The following CYSLTR2 variants were observed in gnomAD, a reference collection of about 807,000 sequenced individuals.
CYSLTR2 encodes the protein G-protein coupled receptor GPCR21.
For missense variants in CYSLTR2, 398 were observed against 411.9 expected, an observed-to-expected ratio of 0.97 and a Z score of 0.29; for synonymous variants, 179 against 160.8, an observed-to-expected ratio of 1.11 and a Z score of -0.86.
At chr13:48,659,938 G>A (rs1278017949) in intron 1 of CYSLTR2, among the ~76,000 whole-genome samples, 1 of 152,202 alleles carries the variant, frequency 6.6e-6, no homozygotes, top group African/African-American at 2.4e-5. Flanking sequence ...AAGGAGAGCT[G>A]AGGAAAGTTT....
At chr13:48,680,800 C>CTTTTTTT (rs139896583) in intron 1 of CYSLTR2, among the ~76,000 whole-genome samples, 22 of 55,040 alleles carry the variant, frequency 4.0e-4, no homozygotes, top group South Asian at 8.5e-4. Flanking sequence ...CTTTTCTTTT[C>CTTTTTTT]TTTTTTTTTT....
chr13:48,673,679 T>G (rs753476021), intron 1 of CYSLTR2, among the ~76,000 whole-genome samples: 1 of 152,088 alleles, frequency 6.6e-6, no homozygotes, highest in Non-Finnish European at 1.5e-5. Context: ...TGCCAGCTGG[T>G]TATTTTGCAC....
At chr13:48,680,456 G>A (rs1953717156) in intron 1 of CYSLTR2, among the ~76,000 whole-genome samples, 1 of 152,152 alleles carries the variant, frequency 6.6e-6, no homozygotes, top group African/African-American at 2.4e-5. Context: ...AACTGGTCAC[G>A]CAGCATGTTT....
intron 3 of CYSLTR2, among the ~76,000 whole-genome samples, chr13:48,695,897 GT>G (rs2138961415): frequency 6.6e-6 from 1 of 152,286 alleles, no homozygotes; most frequent in South Asian, 2.1e-4. Context: ...GTAACCATAT[GT>G]TTTCATTTCC....
chr13:48,680,341 T>C (rs1046994953), intron 1 of CYSLTR2, among the ~76,000 whole-genome samples: 1 of 152,160 alleles, frequency 6.6e-6, no homozygotes, highest in Non-Finnish European at 1.5e-5. Flanking sequence ...TTTTTCTAAG[T>C]ATAAATAAAA....
intron 1 of CYSLTR2, among the ~76,000 whole-genome samples, chr13:48,665,042 T>C (rs1233922173): frequency 1.3e-5 from 2 of 152,234 alleles, no homozygotes; most frequent in African/African-American, 2.4e-5. Context: ...AATTTTAAAA[T>C]TATATTCTTA....
intron 4 of CYSLTR2, among the ~76,000 whole-genome samples, chr13:48,696,838 T>A (rs1452206257): frequency 6.6e-6 from 1 of 152,176 alleles, no homozygotes; most frequent in African/African-American, 2.4e-5. Flanking sequence ...ACCAGGAGAT[T>A]ATATCCCGCA....
At chr13:48,685,680 TG>T (rs1235700491) in intron 1 of CYSLTR2, among the ~76,000 whole-genome samples, 2 of 152,214 alleles carry the variant, frequency 1.3e-5, no homozygotes, top group Non-Finnish European at 2.9e-5. Flanking sequence ...ACTCCCTTGC[TG>T]GTTGATCTAG....
chr13:48,683,578 G>A (rs553030449), intron 1 of CYSLTR2, among the ~76,000 whole-genome samples: 7 of 151,722 alleles, frequency 4.6e-5, no homozygotes, highest in East Asian at 1.9e-4. Context: ...ACTTTTTAAC[G>A]GAGTTTTTTT....
chr13:48,687,170 G>A (rs778924282), intron 1 of CYSLTR2, among the ~76,000 whole-genome samples: 1 of 152,020 alleles, frequency 6.6e-6, no homozygotes, highest in Non-Finnish European at 1.5e-5. Context: ...GGGTTCTCAG[G>A]CCTTCAAACT....
chr13:48,708,213 T>G lies in CYSLTR2; in HGVS notation c.*355T>G, dbSNP rs1954555515. 5.3e-6 allele frequency: 1 copy of G among 187,424 alleles called. No individual in the cohort carries two copies. Among genetic ancestry groups the G allele is most frequent in the Non-Finnish European group, 1.2e-5 (1 of 81,132 alleles). The allele number at this position is 187,424 out of a possible 1,614,324, so 11.6% of individuals were successfully genotyped here. ...TCAAAAGAGCCACAACTTCCCCAGC[T>G]TCTCCAGCTCCCCTGTCCTCTTCAA... On this transcript the variant is annotated 3_prime_UTR_variant, in exon 5 of 5. Coordinates refer to ENST00000682523, the MANE Select transcript of CYSLTR2 (RefSeq NM_001308476.3).
rs140557302 is a variant in CYSLTR2, at chr13:48,690,448, G to C, written c.-265-764G>C. 2.1e-3 allele frequency among the ~76,000 whole-genome samples: 318 copies of C among 152,164 alleles called. 2 individuals are homozygous for C. The highest frequency in any genetic ancestry group is 7.5e-3 in the South Asian group (36 of 4,820). ...GTTTCATCAATATCTAGTTTATTGA[G>C]AGTTTTTAGCATAAAGGGGTGTTGA... On this transcript the variant is annotated intron_variant, in intron 1 of 4. Coordinates refer to ENST00000682523, the MANE Select transcript of CYSLTR2 (RefSeq NM_001308476.3).
chr13:48,657,742 A>G (rs1953033167), intron 1 of CYSLTR2, among the ~76,000 whole-genome samples: 1 of 151,574 alleles, frequency 6.6e-6, no homozygotes, highest in Non-Finnish European at 1.5e-5. Flanking sequence ...TTGTACCTCT[A>G]GTACAGAAAA....
chr13:48,675,862 C>G (rs1953580929), intron 1 of CYSLTR2, among the ~76,000 whole-genome samples: 1 of 152,190 alleles, frequency 6.6e-6, no homozygotes, highest in African/African-American at 2.4e-5. Context: ...CATCATCCCC[C>G]ATGGCACAGT....
chr13:48,656,584 G>C (rs187088907), intron 1 of CYSLTR2, among the ~76,000 whole-genome samples: 6 of 152,242 alleles, frequency 3.9e-5, no homozygotes, highest in Admixed American at 3.3e-4. Context: ...ATCCACCTGG[G>C]ATCACATGAG....
At chr13:48,669,228 A>G (rs983708905) in intron 1 of CYSLTR2, among the ~76,000 whole-genome samples, 2 of 151,798 alleles carry the variant, frequency 1.3e-5, no homozygotes, top group African/African-American at 4.8e-5. Flanking sequence ...TCCCACCAAC[A>G]GTGTAAGAGC....
chr13:48,667,788 A>G (rs1434730411), intron 1 of CYSLTR2, among the ~76,000 whole-genome samples: 1 of 152,218 alleles, frequency 6.6e-6, no homozygotes, highest in African/African-American at 2.4e-5. Flanking sequence ...AACATTCAAG[A>G]CAATCTCTAA....
chr13:48,667,395 A>C (rs1050810186), intron 1 of CYSLTR2, among the ~76,000 whole-genome samples: 6 of 152,310 alleles, frequency 3.9e-5, no homozygotes, highest in African/African-American at 1.4e-4. Context: ...GGTGGAGGGC[A>C]TGCCTGCCAG....
Position 48,708,631 on chromosome 13 carries a change from T to C in CYSLTR2, c.*773T>C, listed in dbSNP as rs1218204318. 6.0e-6 allele frequency: 1 copy of C among 167,084 alleles called. No homozygotes were observed. The highest frequency in any genetic ancestry group is 2.4e-5 in the African/African-American group (1 of 41,440). The allele number at this position is 167,084 out of a possible 1,614,324, so 10.4% of individuals were successfully genotyped here. A position where few individuals can be genotyped will look rare whatever the true frequency, so the allele number is the denominator to read the frequency against. On this transcript the variant is annotated 3_prime_UTR_variant, in exon 5 of 5. Coordinates refer to ENST00000682523, the MANE Select transcript of CYSLTR2 (RefSeq NM_001308476.3). Reference sequence around the variant, plus strand: ...CATCAAGGACATGTATCTCAAATTTTCTTTGAGATGCAGGTTAGTTGACCT... The same window carrying C: ...CATCAAGGACATGTATCTCAAATTTCCTTTGAGATGCAGGTTAGTTGACCT...
Sources: gnomAD v4.1 joint callset for allele counts (sites outside exome capture counted in the v4.1 genomes callset) on GRCh38, gnomAD v4.1.1 for gene constraint, MANE v1.5 for transcripts, NCBI Gene and HGNC (gene_info 2026-07-23, HGNC 2026-07-21) for gene names.